GUCY2C: variants seen among roughly 807,000 people sequenced by gnomAD.
The protein encoded by GUCY2C is guanylyl cyclase C.
A neutral mutation model predicts 131.1 loss-of-function variants in GUCY2C; 118 were observed. The observed-to-expected ratio is 0.90, with a 90% CI of 0.78 to 1.05. The LOEUF (loss-of-function observed/expected upper bound fraction) is 1.05, where lower values mean the gene tolerates loss of function less well. Ranked by LOEUF, GUCY2C falls within the 50% of genes least tolerant of loss-of-function variation. The pLI is 0.00. For synonymous variants in GUCY2C, 452 were observed against 457.8 expected (o/e 0.99, Z 0.16); for missense variants, 1,161 against 1,304.4 (o/e 0.89, Z 1.69).
chr12:14,675,455 C>G (rs1027567418), intron 7 of GUCY2C, among the ~76,000 whole-genome samples: 3 of 151,818 alleles, frequency 2.0e-5, no homozygotes, highest in Non-Finnish European at 4.4e-5. Flanking sequence ...ATGTTAGTTT[C>G]TAGTTGATTG....
intron 19 of GUCY2C, among the ~76,000 whole-genome samples, chr12:14,633,607 A>G (rs1046634721): frequency 1.8e-4 from 27 of 152,054 alleles, no homozygotes; most frequent in Non-Finnish European, 3.5e-4. Flanking sequence ...ATAATTAAAA[A>G]TAATATTAAA....
rs1216179733 is a variant in GUCY2C at position 14,687,935 on chromosome 12, A to G, written c.330+16T>C. Reference sequence around the variant, plus strand: ...CCCAGAGGCCATGAGCTGCATCCACAAAAGCAAATACTTACTGAAATTTTC... The same window carrying G: ...CCCAGAGGCCATGAGCTGCATCCACGAAAGCAAATACTTACTGAAATTTTC... On this transcript the variant is annotated intron_variant, in intron 2 of 26. Transcript: ENST00000261170. The G allele has an allele frequency of 2.1e-6, 3 of 1,451,454 alleles. No individual in the cohort carries two copies. The highest frequency in any genetic ancestry group is 2.9e-6 in the Non-Finnish European group (3 of 1,031,748). The allele number at this position is 1,451,454 out of a possible 1,614,324, so 89.9% of individuals were successfully genotyped here.
Position 14,613,170 on chromosome 12 carries a change from T to G in GUCY2C, c.3169A>C (p.Thr1057Pro). 2 of 1,613,558 alleles carry G rather than the reference T, an allele frequency of 1.2e-6. No homozygotes were observed. Among genetic ancestry groups the G allele is most frequent in the Non-Finnish European group, 1.7e-6 (2 of 1,179,616 alleles). The change falls in exon 27 of 27, where the codon ACT (threonine) becomes CCT (proline). Residue 1057 changes from threonine to proline, a missense_variant. Coordinates refer to ENST00000261170, the MANE Select transcript of GUCY2C (RefSeq NM_004963.4). This position sits in a 1 kb window ranked among gnomAD's most constrained non-coding sequence, Gnocchi z 4.9. ...PRRVASYKKG[T>P]LEYLQLNTTD... ...GTATTCAGCTGCAAGTATTCCAGAG[T>G]GCCTTTTTTATAGCTGGCTACCCGT...
In GUCY2C at chr12:14,683,218, T is replaced by C. The variant is rs751566235; in HGVS notation, c.435A>G (p.Gly145=). Residue 145 remains glycine (G), a synonymous_variant, in exon 4 of 27, where the codon GGA becomes GGG. Coordinates refer to ENST00000261170, the MANE Select transcript of GUCY2C (RefSeq NM_004963.4). ...TELSYPMISA[G]SFGLSCDYKE... is the part of the protein sequence containing the mutation. Reference sequence around the variant, plus strand: ...TATAGTCACATGACAATCCAAAACTTCCAGCTGAGATCATGGGGTAGCTCA... The same window carrying C: ...TATAGTCACATGACAATCCAAAACTCCCAGCTGAGATCATGGGGTAGCTCA... 1 of 1,613,612 alleles carries C rather than the reference T, an allele frequency of 6.2e-7. No homozygotes were observed. The highest frequency in any genetic ancestry group is 1.7e-5 in the Admixed American group (1 of 59,988).
chr12:14,641,331 T>C (rs921521699), intron 17 of GUCY2C, 112 bp from the exon 18 acceptor site: 3 of 1,101,582 alleles, frequency 2.7e-6, no homozygotes, highest in African/African-American at 1.5e-5. Flanking sequence ...ATATGGGTGA[T>C]AGCTTATAAG....
intron 11 of GUCY2C, among the ~76,000 whole-genome samples, chr12:14,657,058 C>A (rs182505934): frequency 6.6e-6 from 1 of 152,304 alleles, no homozygotes; most frequent in East Asian, 1.9e-4. Flanking sequence ...CAGGCGGTAC[C>A]GCTCGCTCAC....
chr12:14,687,199 A>T (rs973938432), intron 2 of GUCY2C, among the ~76,000 whole-genome samples: 40 of 152,182 alleles, frequency 2.6e-4, no homozygotes, highest in African/African-American at 9.7e-4. Context: ...ATGACCTGAT[A>T]TATGGTGATG....
rs1430975336 is a variant in GUCY2C, at chr12:14,622,375, A to G, written c.2409-178T>C. ...ATCATATACATGAACATATTACACAAATACACATATAATGCATGTTGTGAA... is the reference window on the plus strand; with the variant it reads ...ATCATATACATGAACATATTACACAGATACACATATAATGCATGTTGTGAA... On this transcript the variant is annotated intron_variant, in intron 21 of 26. Transcript: ENST00000261170. Among the ~76,000 whole-genome samples, 4 of 152,226 alleles carry G rather than the reference A, an allele frequency of 2.6e-5. No homozygotes were observed. The East Asian group carries it at 7.7e-4, about 29-fold the overall frequency.
chr12:14,672,979 G>C (rs375970677), intron 8 of GUCY2C, 21 bp from the exon 9 acceptor site: 5 of 1,411,372 alleles, frequency 3.5e-6, no homozygotes, highest in Non-Finnish European at 5.0e-6. Context: ...ATCAGAGTAT[G>C]TTAGAGGCCA....
chr12:14,646,036 A>G (rs373847443), intron 15 of GUCY2C, among the ~76,000 whole-genome samples: 3 of 152,038 alleles, frequency 2.0e-5, no homozygotes, highest in African/African-American at 7.2e-5. Flanking sequence ...GGGTTTCGCT[A>G]CGTTGGCCAG....
Position 14,643,589 on chromosome 12 carries a change from A to T in GUCY2C, c.1915T>A (p.Leu639Ile), listed in dbSNP as rs1947453358. 1 of 1,613,186 alleles carries T rather than the reference A, an allele frequency of 6.2e-7. No individual in the cohort carries two copies. Among genetic ancestry groups the T allele is most frequent in the African/African-American group, 1.3e-5 (1 of 74,840 alleles). Residue 639 changes from leucine (L) to isoleucine (I), a missense_variant, in exon 17 of 27, where the codon TTA becomes ATA. Physicochemically the swap from Leu to Ile is conservative, Grantham distance 5. Coordinates refer to ENST00000261170, the MANE Select transcript of GUCY2C (RefSeq NM_004963.4). ...KITDFGCNSI[L>I]PPKKDLWTAP... ...CATTACAGACCCTTTTTTGGAGGTA[A>T]AATGGAATTGCAGCCAAAATCAGTG...
At chr12:14,673,426 G>A (rs1948157198) in intron 8 of GUCY2C, among the ~76,000 whole-genome samples, 1 of 152,038 alleles carries the variant, frequency 6.6e-6, no homozygotes, top group African/African-American at 2.4e-5. Flanking sequence ...CTATTAAATA[G>A]CAATATAAGA....
chr12:14,677,837 C>T (rs1948271265), intron 6 of GUCY2C, among the ~76,000 whole-genome samples: 1 of 151,792 alleles, frequency 6.6e-6, no homozygotes. Flanking sequence ...GTCTTGGCCT[C>T]CCAAAGTGCT....
Position 14,614,880 on chromosome 12 carries a change from T to C in GUCY2C, c.3034A>G (p.Thr1012Ala), listed in dbSNP as rs760439594. The change falls in exon 26 of 27, where the codon ACC (threonine) becomes GCC (alanine). Residue 1012 changes from threonine to alanine, a missense_variant. Transcript: ENST00000261170. ...GMKDQKFNLPTPPTVENQQRL... is the reference protein window; with the variant it reads ...GMKDQKFNLPAPPTVENQQRL... ...CCAGAAGCTTACACAGTAGGAGGGGTTGGCAGGTTGAATTTCTGGTCCTTC... is the reference window on the plus strand; with the variant it reads ...CCAGAAGCTTACACAGTAGGAGGGGCTGGCAGGTTGAATTTCTGGTCCTTC... 3.2e-6 allele frequency: 5 copies of C among 1,586,666 alleles called. No individual in the cohort carries two copies. The highest frequency in any genetic ancestry group is 3.6e-5 in the Admixed American group (2 of 54,814).
intron 15 of GUCY2C, among the ~76,000 whole-genome samples, chr12:14,646,127 C>T (rs1051168759): frequency 8.5e-5 from 13 of 152,258 alleles, no homozygotes; most frequent in South Asian, 2.1e-4. Context: ...CAAGCCACCG[C>T]GCCCCGCCTA....
intron 7 of GUCY2C, among the ~76,000 whole-genome samples, chr12:14,675,817 T>C (rs1412682070): frequency 6.6e-6 from 1 of 152,192 alleles, no homozygotes; most frequent in Non-Finnish European, 1.5e-5. Flanking sequence ...ATGAAGATGG[T>C]CAAGTAATAT....
intron 18 of GUCY2C, 127 bp from the exon 19 acceptor site, chr12:14,640,077 G>C: frequency 1.5e-6 from 1 of 665,110 alleles, no homozygotes; most frequent in Non-Finnish European, 2.7e-6. Flanking sequence ...GTGCTGCAGA[G>C]CCTAGACCAG....
At chr12:14,645,442 T>G in intron 15 of GUCY2C, 127 bp from the exon 16 acceptor site, 8 of 570,630 alleles carry the variant, frequency 1.4e-5, no homozygotes, top group African/African-American at 1.9e-5. Flanking sequence ...TGGAATTCCA[T>G]TGTCTGGGAT....
At chr12:14,688,533 G>A (rs1299866364) in intron 1 of GUCY2C, among the ~76,000 whole-genome samples, 1 of 152,144 alleles carries the variant, frequency 6.6e-6, no homozygotes, top group African/African-American at 2.4e-5. Context: ...GTCCCCAGGT[G>A]CTATTTGTTG....
Sources: gnomAD v4.1 joint callset for allele counts (sites outside exome capture counted in the v4.1 genomes callset) on GRCh38, gnomAD v4.1.1 for gene constraint, Gnocchi (gnomAD v3.1) non-coding constraint, MANE v1.5 for transcripts, NCBI Gene and HGNC (gene_info 2026-07-23, HGNC 2026-07-21) for gene names.